Variants in ANKRD42 observed in about 807,000 individuals in gnomAD.
ANKRD42 encodes ankyrin repeat domain-containing protein 42.
ANKRD42 carries 43 observed loss-of-function variants against 51.5 expected under a neutral mutation model. The ratio of observed to expected loss-of-function variants is 0.83; its 90% CI spans 0.65 to 1.08. The LOEUF is 1.08. ANKRD42 is among the 50% of genes least tolerant of loss of function. The pLI, the probability that ANKRD42 is intolerant of heterozygous loss-of-function variation, is 0.00. For missense variants in ANKRD42, 608 were observed against 629.3 expected (o/e 0.97, Z 0.36); for synonymous variants, 203 against 213.0 (o/e 0.95, Z 0.41).
chr11:83,212,232 C>T (rs952752072), intron 5 of ANKRD42, among the ~76,000 whole-genome samples: 3 of 152,054 alleles, frequency 2.0e-5, no homozygotes, highest in Non-Finnish European at 4.4e-5. Flanking sequence ...CAGGCACCTG[C>T]CACCACGCCT....
downstream of ANKRD42, chr11:83,261,462 G>T (rs1168489303): frequency 6.6e-6 from 1 of 152,336 alleles, no homozygotes; most frequent in Non-Finnish European, 1.5e-5. Flanking sequence ...CAACTTTGTT[G>T]TAATAATCTT....
intron 7 of ANKRD42, among the ~76,000 whole-genome samples, chr11:83,228,187 G>T (rs566708004): frequency 1.5e-5 from 2 of 132,424 alleles, no homozygotes; most frequent in South Asian, 5.1e-4. Context: ...TTTTTAAAAT[G>T]ACCTATTAAT....
downstream of ANKRD42, chr11:83,259,879 T>C (rs1863852015): frequency 6.6e-6 from 1 of 152,256 alleles, no homozygotes; most frequent in Admixed American, 6.5e-5. Flanking sequence ...ATCACTGAAC[T>C]CTAGAACTGG....
chr11:83,255,744 A>G, intron 11 of ANKRD42: 1 of 803,996 alleles, frequency 1.2e-6, no homozygotes, highest in South Asian at 1.9e-5. Context: ...TGAAAATACT[A>G]GCATGGTTAA....
intron 5 of ANKRD42, among the ~76,000 whole-genome samples, chr11:83,223,842 T>C (rs570248897): frequency 6.6e-6 from 1 of 152,330 alleles, no homozygotes; most frequent in Non-Finnish European, 1.5e-5. Flanking sequence ...AATCAAGATA[T>C]GTGAATTGGG....
chr11:83,213,073 C>G (rs1862389697), intron 5 of ANKRD42: 3 of 1,600,374 alleles, frequency 1.9e-6, no homozygotes, highest in Middle Eastern at 3.3e-4. Flanking sequence ...TCTTCCGGCA[C>G]CAGACTGACT....
At chr11:83,226,473 C>G (rs999363786) in intron 6 of ANKRD42, among the ~76,000 whole-genome samples, 1 of 152,126 alleles carries the variant, frequency 6.6e-6, no homozygotes. Flanking sequence ...TGAAATGTAG[C>G]TATTCTCATT....
In ANKRD42 at chr11:83,198,745, T is replaced by A. The variant is rs560026556; in HGVS notation, c.222+103T>A. 4.8e-5 allele frequency: 52 copies of A among 1,085,174 alleles called. No individual in the cohort carries two copies. In the South Asian group the frequency reaches 1.1e-3, roughly 23 times the overall value. 67.2% of individuals were successfully genotyped at this position (1,085,174 alleles called of 1,614,324 possible). On this transcript the variant is annotated intron_variant, in intron 2 of 10. Coordinates refer to ENST00000533342, the MANE Select transcript of ANKRD42 (RefSeq NM_001300975.2). Reference sequence around the variant, plus strand: ...GACCTTATGGTAGGTACTGCATATATTTTCTTTTCAGTCATAGTCAGTTTA... The same window carrying A: ...GACCTTATGGTAGGTACTGCATATAATTTCTTTTCAGTCATAGTCAGTTTA...
downstream of ANKRD42, among the ~76,000 whole-genome samples, chr11:83,250,840 C>T (rs1424586797): frequency 1.3e-5 from 2 of 152,162 alleles, no homozygotes; most frequent in Admixed American, 1.3e-4. Flanking sequence ...GCGAGTCCAT[C>T]CTGTAGGTAG....
chr11:83,194,679 G>C lies in ANKRD42; in HGVS notation c.9G>C (p.Gly3=), dbSNP rs770171968. Reference sequence around the variant, plus strand: ...GTCGGAGGTGTTGCGCCATGCCCGGGGTGGCCAATTCAGGCCCCTCCACTT... The same window carrying C: ...GTCGGAGGTGTTGCGCCATGCCCGGCGTGGCCAATTCAGGCCCCTCCACTT... MP[G]VANSGPSTSS... is the part of the protein sequence containing the mutation. The change falls in exon 1 of 11, where the codon GGG becomes GGC. Residue 3 remains glycine, a synonymous_variant. Transcript: ENST00000533342. The C allele has an allele frequency of 5.0e-6, 8 of 1,613,730 alleles. No individual in the cohort carries two copies. The highest frequency in any genetic ancestry group is 1.1e-5 in the South Asian group (1 of 91,070).
Position 83,194,161 on chromosome 11 carries a change from A to G in ANKRD42, c.-510A>G, listed in dbSNP as rs1374078800. ...CAGCACCTTCTGCAGCAGCGACGTG[A>G]ATTTTAGTGAAGTTGGAGGCCACCA... On this transcript the variant is annotated 5_prime_UTR_variant, in exon 1 of 11. Transcript: ENST00000533342. 2.2e-6 allele frequency: 1 copy of G among 457,000 alleles called. No homozygotes were observed. The highest frequency in any genetic ancestry group is 2.3e-5 in the Admixed American group (1 of 42,558). The allele number at this position is 457,000 out of a possible 1,614,324, so 28.3% of individuals were successfully genotyped here. A position where few individuals can be genotyped will look rare whatever the true frequency, so the allele number is the denominator to read the frequency against.
At position 83,248,755 on chromosome 11, in the gene ANKRD42, A is replaced by C. The variant is rs551032030; in HGVS notation, c.*551A>C. 3 of 976,368 alleles carry C rather than the reference A, an allele frequency of 3.1e-6. No homozygotes were observed. The highest frequency in any genetic ancestry group is 1.2e-6 in the Non-Finnish European group (1 of 821,702). The allele number at this position is 976,368 out of a possible 1,614,324, so 60.5% of individuals were successfully genotyped here. A position where few individuals can be genotyped will look rare whatever the true frequency, so the allele number is the denominator to read the frequency against. ...ACATGTTTGTTGTATAGTGTTAAAA[A>C]CAAGATAGATGTTCCTTCTGACACT... On this transcript the variant is annotated 3_prime_UTR_variant, in exon 11 of 11. Coordinates refer to ENST00000533342, the MANE Select transcript of ANKRD42 (RefSeq NM_001300975.2).
At chr11:83,225,526 C>T (rs11233529) in intron 6 of ANKRD42, among the ~76,000 whole-genome samples, 2 of 150,442 alleles carry the variant, frequency 1.3e-5, no homozygotes, top group African/African-American at 4.9e-5. Context: ...GATTGTACCT[C>T]TGCACTCCAG....
chr11:83,228,657 A>G (rs1457904010), intron 7 of ANKRD42, among the ~76,000 whole-genome samples: 1 of 152,196 alleles, frequency 6.6e-6, no homozygotes, highest in Non-Finnish European at 1.5e-5. Context: ...TTATGTTCCC[A>G]TTGGTTAGGT....
chr11:83,258,022 TATA>T (rs757797986), downstream of ANKRD42, among the ~76,000 whole-genome samples: 18 of 152,220 alleles, frequency 1.2e-4, no homozygotes, highest in Non-Finnish European at 2.2e-4. Flanking sequence ...GGGTCATGGC[TATA>T]ATGCCACCTC....
intron 11 of ANKRD42, among the ~76,000 whole-genome samples, chr11:83,254,094 C>T (rs1006749188): frequency 6.6e-6 from 1 of 152,168 alleles, no homozygotes; most frequent in African/African-American, 2.4e-5. Flanking sequence ...CCAGCCTCAG[C>T]CTCGTGAGTA....
intron 6 of ANKRD42, 72 bp downstream of exon 6, chr11:83,225,127 CAATG>C: frequency 7.5e-7 from 1 of 1,329,810 alleles, no homozygotes. Flanking sequence ...TGAGTAGAAT[CAATG>C]AAATAGGAAA....
intron 7 of ANKRD42, among the ~76,000 whole-genome samples, chr11:83,235,941 A>G (rs560450963): frequency 5.3e-5 from 8 of 152,372 alleles, no homozygotes; most frequent in Admixed American, 2.0e-4. Context: ...TACATCTATC[A>G]TATAAATATA....
chr11:83,259,489 G>A (rs1178262559), downstream of ANKRD42: 1 of 152,158 alleles, frequency 6.6e-6, no homozygotes, highest in African/African-American at 2.4e-5. Flanking sequence ...AATATTTAGT[G>A]GCTGTATAAC....
Sources: allele counts gnomAD v4.1 joint callset (sites outside exome capture counted in the v4.1 genomes callset), GRCh38; gene constraint gnomAD v4.1.1; transcripts MANE v1.5; gene names NCBI Gene and HGNC (gene_info 2026-07-23, HGNC 2026-07-21).